PAK2: variants seen among roughly 807,000 people sequenced by gnomAD.
PAK2 encodes p21 (RAC1) activated kinase 2, also known as serine/threonine-protein kinase PAK 2.
PAK2 carries 21 observed loss-of-function variants against 65.9 expected under a neutral mutation model. The observed-to-expected ratio is 0.32, with a 90% CI of 0.23 to 0.46. The LOEUF (loss-of-function observed/expected upper bound fraction) is 0.46, where lower values mean the gene tolerates loss of function less well. Among genes scored for constraint, PAK2 ranks in the 20% least tolerant of loss-of-function variants. The pLI is 1.00. For missense variants in PAK2, 324 were observed against 642.6 expected, an observed-to-expected ratio of 0.50 and a Z score of 5.36; for synonymous variants, 204 against 219.7, an observed-to-expected ratio of 0.93 and a Z score of 0.63.
rs1214923768 is a variant in PAK2 at position 196,832,486 on chromosome 3, AAAGT to A, written c.*4082_*4085del. ...AGGGCTAGAAATAAACTTTTTAAAA[AAAGT>A]GTGCATTTTTCCCTTTCCTAAACTT... On this transcript the variant is annotated 3_prime_UTR_variant, in exon 15 of 15. Transcript: ENST00000327134. 6.6e-6 allele frequency: 1 copy of A among 152,130 alleles called. No individual in the cohort carries two copies. The highest frequency in any genetic ancestry group is 2.4e-5 in the African/African-American group (1 of 41,440). 9.4% of individuals were successfully genotyped at this position (152,130 alleles called of 1,614,324 possible). A position where few individuals can be genotyped will look rare whatever the true frequency, so the allele number is the denominator to read the frequency against.
At chr3:196,823,591 C>T (rs1711726195) in intron 13 of PAK2, among the ~76,000 whole-genome samples, 1 of 151,826 alleles carries the variant, frequency 6.6e-6, no homozygotes, top group Non-Finnish European at 1.5e-5. Flanking sequence ...TTGGGCCGGG[C>T]ACGGTGGCTC....
intron 1 of PAK2, among the ~76,000 whole-genome samples, chr3:196,743,951 A>G (rs1713289038): frequency 6.6e-6 from 1 of 152,242 alleles, no homozygotes; most frequent in African/African-American, 2.4e-5. Flanking sequence ...CGTAACTAAA[A>G]ATAAAAATTA....
At chr3:196,753,442 C>A (rs1285079755) in intron 1 of PAK2, among the ~76,000 whole-genome samples, 2 of 152,040 alleles carry the variant, frequency 1.3e-5, no homozygotes, top group African/African-American at 4.8e-5. Flanking sequence ...TATCTTCCTG[C>A]CCCAGCCTCC....
chr3:196,811,226 T>TCCCC (rs1560113601), intron 8 of PAK2, among the ~76,000 whole-genome samples: 1 of 3,838 alleles, frequency 2.6e-4, no homozygotes, highest in African/African-American at 1.5e-3. Context: ...CCTCCCTCCC[T>TCCCC]TCCCTTCCCT....
intron 2 of PAK2, among the ~76,000 whole-genome samples, chr3:196,789,348 C>A (rs1714992638): frequency 6.6e-6 from 1 of 152,146 alleles, no homozygotes; most frequent in Non-Finnish European, 1.5e-5. Context: ...CTGTAAACAA[C>A]CTTTCTGATT....
At chr3:196,817,824 G>A (rs886904107) in intron 11 of PAK2, among the ~76,000 whole-genome samples, 33 of 152,050 alleles carry the variant, frequency 2.2e-4, no homozygotes, top group Admixed American at 5.3e-4. Context: ...GGGTAGGAGC[G>A]GATCTACTGA....
Position 196,812,265 on chromosome 3 carries a change from G to C in PAK2, c.820G>C (p.Glu274Gln), listed in dbSNP as rs1396525960. The C allele has an allele frequency of 6.4e-7, 1 of 1,569,924 alleles. No individual in the cohort carries two copies. The highest frequency in any genetic ancestry group is 8.8e-7 in the Non-Finnish European group (1 of 1,140,148). ...FTATDVALGQ[E>Q]VAIKQINLQK... ...TGCTACTGACGTTGCACTGGGACAG[G>C]AGGTAGTTACTTTGTTGTAATCCTG... is the stretch of plus-strand genomic sequence containing the variant. The change falls in exon 9 of 15, where the codon GAG becomes CAG. Residue 274 changes from glutamate to glutamine, a missense_variant and splice_region_variant. By Grantham distance (29) the Glu-to-Gln change is conservative. This residue lies in a region of PAK2 where 183 missense variants were observed against 246.2 expected (regional missense o/e 0.74). Coordinates refer to ENST00000327134, the MANE Select transcript of PAK2 (RefSeq NM_002577.4).
chr3:196,743,649 A>G (rs1321583740), intron 1 of PAK2, among the ~76,000 whole-genome samples: 2 of 152,130 alleles, frequency 1.3e-5, no homozygotes, highest in Non-Finnish European at 2.9e-5. Flanking sequence ...GGAGTTCAAG[A>G]CCAGCCTGGC....
At chr3:196,810,840 G>T (rs1031280993) in intron 8 of PAK2, among the ~76,000 whole-genome samples, 187 bp downstream of exon 8, 1 of 152,020 alleles carries the variant, frequency 6.6e-6, no homozygotes, top group Admixed American at 6.6e-5. Flanking sequence ...TGTACTAGTT[G>T]TTAGCAATGA....
intron 13 of PAK2, among the ~76,000 whole-genome samples, chr3:196,821,201 A>G (rs1310512721): frequency 1.3e-5 from 2 of 152,000 alleles, no homozygotes; most frequent in African/African-American, 4.8e-5. Context: ...AAGGAAATGT[A>G]AATCAAAACC....
At chr3:196,779,335 C>T (rs1329844840) in intron 1 of PAK2, among the ~76,000 whole-genome samples, 2 of 152,164 alleles carry the variant, frequency 1.3e-5, no homozygotes, top group Admixed American at 6.5e-5. Flanking sequence ...TTTGGCATTT[C>T]CTCATCCTTT....
chr3:196,798,333 C>A (rs1292511112), intron 2 of PAK2, among the ~76,000 whole-genome samples: 1 of 140,096 alleles, frequency 7.1e-6, no homozygotes, highest in Non-Finnish European at 1.6e-5. Flanking sequence ...TATGTACCAA[C>A]TTTTTTTTCT....
At chr3:196,764,955 G>C in intron 1 of PAK2, among the ~76,000 whole-genome samples, 1 of 147,308 alleles carries the variant, frequency 6.8e-6, no homozygotes. Context: ...CCATTCTCCT[G>C]CCTCAGCCTC....
chr3:196,798,614 G>A (rs1048049860), intron 2 of PAK2, among the ~76,000 whole-genome samples: 3 of 152,136 alleles, frequency 2.0e-5, no homozygotes, highest in African/African-American at 7.2e-5. Flanking sequence ...AAAGTGCTAG[G>A]ATTATAGGCA....
chr3:196,824,760 C>G (rs989180984), intron 13 of PAK2, among the ~76,000 whole-genome samples: 5 of 151,752 alleles, frequency 3.3e-5, no homozygotes, highest in Non-Finnish European at 5.9e-5. Context: ...GCAGGAGGAT[C>G]TCTTGACCCC....
chr3:196,830,331 G>A lies in PAK2; in HGVS notation c.*1926G>A, dbSNP rs1054997503. 1.3e-5 allele frequency: 2 copies of A among 152,166 alleles called. No homozygotes were observed. Among genetic ancestry groups the A allele is most frequent in the Non-Finnish European group, 2.9e-5 (2 of 68,042 alleles). 9.4% of individuals were successfully genotyped at this position (152,166 alleles called of 1,614,324 possible). On this transcript the variant is annotated 3_prime_UTR_variant, in exon 15 of 15. Coordinates refer to ENST00000327134, the MANE Select transcript of PAK2 (RefSeq NM_002577.4). ...CTCTGGAATATATTGGCCTTCTACA[G>A]CTATTACTGAATTATAGAAACTGGT...
chr3:196,782,949 A>C (rs984997028), intron 2 of PAK2, 116 bp downstream of exon 2: 3 of 578,896 alleles, frequency 5.2e-6, no homozygotes, highest in Non-Finnish European at 9.1e-6. Context: ...AATCGGTGCT[A>C]ATATACAGGC....
chr3:196,773,738 G>A (rs1023175405), intron 1 of PAK2, among the ~76,000 whole-genome samples: 3 of 152,060 alleles, frequency 2.0e-5, no homozygotes, highest in African/African-American at 4.8e-5. Context: ...TTAGCCAGAC[G>A]TGGTGGTATC....
At chr3:196,804,834 T>C (rs1013069761) in intron 4 of PAK2, among the ~76,000 whole-genome samples, 7 of 150,332 alleles carry the variant, frequency 4.7e-5, no homozygotes, top group African/African-American at 1.7e-4. Flanking sequence ...TACACATATA[T>C]ATATATATAT....
Sources: allele counts gnomAD v4.1 joint callset (sites outside exome capture counted in the v4.1 genomes callset), GRCh38; gene constraint gnomAD v4.1.1; regional missense constraint gnomAD v4.1.1; transcripts MANE v1.5; gene names NCBI Gene and HGNC (gene_info 2026-07-23, HGNC 2026-07-21).